FARS2: variants seen among roughly 807,000 people sequenced by gnomAD.
The protein encoded by FARS2 is phenylalanyl-tRNA synthetase 2, mitochondrial.
In FARS2, 40 loss-of-function variants were observed where a neutral mutation model predicts 46.4. That is an observed-to-expected ratio of 0.86 (90% CI 0.67 to 1.12). FARS2 has a LOEUF of 1.12. FARS2 is among the 50% of genes most tolerant of loss of function. The probability of loss-of-function intolerance (pLI) is 0.00; values close to 1 mark genes in which losing one functional copy is unlikely to be tolerated. For missense variants in FARS2, 513 were observed against 567.9 expected (o/e 0.90, Z 0.98); for synonymous variants, 234 against 214.9 (o/e 1.09, Z -0.78).
chr6:5,668,425 A>C (rs1778257430), intron 6 of FARS2, among the ~76,000 whole-genome samples: 1 of 152,238 alleles, frequency 6.6e-6, no homozygotes, highest in African/African-American at 2.4e-5. Flanking sequence ...GCGTGTGTCC[A>C]TGTGATACTG....
chr6:5,345,574 G>T (rs573393827), intron 1 of FARS2, among the ~76,000 whole-genome samples: 1 of 152,348 alleles, frequency 6.6e-6, no homozygotes, highest in South Asian at 2.1e-4. Context: ...CGTGCTGTCT[G>T]TTCAGAATAG....
intron 5 of FARS2, among the ~76,000 whole-genome samples, chr6:5,584,987 AT>A (rs983405601): frequency 1.3e-5 from 2 of 152,032 alleles, no homozygotes; most frequent in African/African-American, 4.8e-5. Context: ...AAAATGCATT[AT>A]TTTTCTTATT....
At position 5,630,305 on chromosome 6, in the gene FARS2, G is replaced by A. The variant is rs1431761471; in HGVS notation, c.1217+16985G>A. On this transcript the variant is annotated intron_variant, in intron 6 of 6. Coordinates refer to ENST00000274680, the MANE Select transcript of FARS2 (RefSeq NM_006567.5). This position sits in a 1 kb window ranked among gnomAD's most constrained non-coding sequence, Gnocchi z 4.2. ...TACAGTCTCTTGCAGGAGTGAGACT[G>A]TAGTGTCATCAGAAAACAAGCGCAG... is the stretch of plus-strand genomic sequence containing the variant. 6.6e-6 allele frequency among the ~76,000 whole-genome samples: 1 copy of A among 152,214 alleles called. No homozygotes were observed. The highest frequency in any genetic ancestry group is 1.5e-5 in the Non-Finnish European group (1 of 68,048).
chr6:5,424,559 G>C (rs1762742559), intron 3 of FARS2, among the ~76,000 whole-genome samples: 1 of 152,146 alleles, frequency 6.6e-6, no homozygotes. Flanking sequence ...TATGCTGCTT[G>C]TTATATAACA....
At chr6:5,683,841 A>G (rs6923428) in intron 6 of FARS2, among the ~76,000 whole-genome samples, 61,315 of 151,792 alleles carry the variant, frequency 0.4, 13,004 homozygotes, top group East Asian at 0.69. Context: ...TCATTCTTCA[A>G]TTCCCACTTA....
At position 5,263,400 on chromosome 6, in the gene FARS2, CTTA is replaced by C. The variant is rs1385023936; in HGVS notation, c.-22+1746_-22+1748del. Reference sequence around the variant, plus strand: ...CTGAGCCAAGTCTTCATAAAAATACCTTATTATTTTATTTAAAATGGTTTACCA... The same window carrying C: ...CTGAGCCAAGTCTTCATAAAAATACCTTATTTTATTTAAAATGGTTTACCA... On this transcript the variant is annotated intron_variant, in intron 1 of 6. Transcript: ENST00000274680. Among the ~76,000 whole-genome samples, 3 of 152,240 alleles carry C rather than the reference CTTA, an allele frequency of 2.0e-5. No homozygotes were observed. In the East Asian group the frequency reaches 5.8e-4, roughly 29 times the overall value.
intron 5 of FARS2, among the ~76,000 whole-genome samples, chr6:5,604,653 CA>C (rs1280022030): frequency 6.6e-6 from 1 of 152,136 alleles, no homozygotes; most frequent in Non-Finnish European, 1.5e-5. Context: ...GTAGTTACCA[CA>C]AGACAAACAA....
At chr6:5,280,796 T>C (rs530245383) in intron 1 of FARS2, among the ~76,000 whole-genome samples, 3 of 152,080 alleles carry the variant, frequency 2.0e-5, no homozygotes, top group Non-Finnish European at 4.4e-5. Flanking sequence ...AGTATGTAGG[T>C]TTACAGTAAA....
rs1760207246 is a variant in FARS2, at chr6:5,725,733, CG to C, written c.1218-45557del. On this transcript the variant is annotated intron_variant, in intron 6 of 6. Transcript: ENST00000274680. ...GGTGGATCAGTTGAGCTCAGGAGTTCGAGACCAGCCTGGCCAACATGGCGAA... is the reference window on the plus strand; with the variant it reads ...GGTGGATCAGTTGAGCTCAGGAGTTCAGACCAGCCTGGCCAACATGGCGAA... 2.6e-5 allele frequency among the ~76,000 whole-genome samples: 4 copies of C among 152,250 alleles called. No homozygotes were observed. The South Asian group carries it at 8.3e-4, about 32-fold the overall frequency.
Position 5,343,864 on chromosome 6 carries a change from A to G in FARS2, c.-21-24686A>G, listed in dbSNP as rs915884125. 1.3e-5 allele frequency among the ~76,000 whole-genome samples: 2 copies of G among 152,196 alleles called. No individual in the cohort carries two copies. Among genetic ancestry groups the G allele is most frequent in the South Asian group, 4.1e-4 (2 of 4,830 alleles). ...TTTCAGAAATGAAGTTTACCTCCCCAGTCCCTTTAAAAGATAAAAACAAAT... is the reference window on the plus strand; with the variant it reads ...TTTCAGAAATGAAGTTTACCTCCCCGGTCCCTTTAAAAGATAAAAACAAAT... On this transcript the variant is annotated intron_variant, in intron 1 of 6. Coordinates refer to ENST00000274680, the MANE Select transcript of FARS2 (RefSeq NM_006567.5). This position sits in a 1 kb window ranked among gnomAD's most constrained non-coding sequence, Gnocchi z 4.5.
chr6:5,441,323 T>C (rs1449520691), intron 4 of FARS2, among the ~76,000 whole-genome samples: 2 of 152,238 alleles, frequency 1.3e-5, no homozygotes, highest in African/African-American at 4.8e-5. Flanking sequence ...ATTCTCATCT[T>C]TGTTGAAGTC....
intron 4 of FARS2, among the ~76,000 whole-genome samples, chr6:5,455,078 C>A (rs1764763414): frequency 6.6e-6 from 1 of 152,208 alleles, no homozygotes; most frequent in Non-Finnish European, 1.5e-5. Context: ...CAGCATCTAG[C>A]ACGATACCTG....
Position 5,446,192 on chromosome 6 carries a change from G to A in FARS2, c.904+15020G>A, listed in dbSNP as rs1322391117. On this transcript the variant is annotated intron_variant, in intron 4 of 6. Coordinates refer to ENST00000274680, the MANE Select transcript of FARS2 (RefSeq NM_006567.5). Reference sequence around the variant, plus strand: ...CACTCCAGCCTGGGCGACAGAGTGAGACTCCATCTTAAAAAAAAAAAAAAA... The same window carrying A: ...CACTCCAGCCTGGGCGACAGAGTGAAACTCCATCTTAAAAAAAAAAAAAAA... Among the ~76,000 whole-genome samples the A allele has an allele frequency of 2.7e-5, 4 of 149,078 alleles. No individual in the cohort carries two copies. In the East Asian group the frequency reaches 5.9e-4, roughly 22 times the overall value.
chr6:5,609,789 T>C, intron 5 of FARS2: 2 of 1,405,436 alleles, frequency 1.4e-6, no homozygotes, highest in Admixed American at 1.7e-5. Context: ...ATGATTTCAG[T>C]CACTTCAGTT....
intron 1 of FARS2, among the ~76,000 whole-genome samples, chr6:5,318,035 A>C (rs1205890267): frequency 6.6e-6 from 1 of 151,972 alleles, no homozygotes; most frequent in Non-Finnish European, 1.5e-5. Flanking sequence ...TTAGCCTGTT[A>C]AATCTCCACC....
chr6:5,505,902 C>T (rs892087927), intron 4 of FARS2, among the ~76,000 whole-genome samples: 4 of 152,314 alleles, frequency 2.6e-5, no homozygotes, highest in Middle Eastern at 3.4e-3. Context: ...TAACCTTTTG[C>T]TATTGTAAAT....
At chr6:5,691,932 T>C (rs1409350634) in intron 6 of FARS2, among the ~76,000 whole-genome samples, 1 of 152,186 alleles carries the variant, frequency 6.6e-6, no homozygotes, top group Non-Finnish European at 1.5e-5. Flanking sequence ...CAGTTTGATC[T>C]CAGACTGCTG....
chr6:5,667,316 G>T (rs530627477), intron 6 of FARS2, among the ~76,000 whole-genome samples: 2 of 152,058 alleles, frequency 1.3e-5, no homozygotes, highest in Non-Finnish European at 2.9e-5. Context: ...TCAGGAGTTC[G>T]AGACCAGCCT....
intron 4 of FARS2, among the ~76,000 whole-genome samples, chr6:5,436,105 A>G (rs987430175): frequency 6.6e-6 from 1 of 152,220 alleles, no homozygotes; most frequent in African/African-American, 2.4e-5. Flanking sequence ...AGTATTCATA[A>G]CAGGGGTACC....
Sources: allele counts gnomAD v4.1 joint callset (sites outside exome capture counted in the v4.1 genomes callset), GRCh38; gene constraint gnomAD v4.1.1; non-coding constraint Gnocchi (gnomAD v3.1); transcripts MANE v1.5; gene names NCBI Gene and HGNC (gene_info 2026-07-23, HGNC 2026-07-21).